Variants in NR2C2 observed in about 807,000 individuals in gnomAD.
NR2C2 encodes nuclear receptor subfamily 2 group C member 2, also known as Nuclear hormone receptor TR4.
Under a neutral mutation model 62.9 loss-of-function variants are expected in NR2C2, and 6 were observed. The ratio of observed to expected loss-of-function variants is 0.10; its 90% confidence interval spans 0.05 to 0.19. The LOEUF (loss-of-function observed/expected upper bound fraction) is 0.19. NR2C2 is among the 10% of genes least tolerant of loss of function. NR2C2 has a pLI of 1.00. For synonymous variants in NR2C2, 272 were observed against 273.8 expected, an observed-to-expected ratio of 0.99 and a Z score of 0.07; for missense variants, 479 against 762.7, an observed-to-expected ratio of 0.63 and a Z score of 4.38.
At chr3:15,009,077 C>T (rs985794466) in intron 2 of NR2C2, among the ~76,000 whole-genome samples, 1 of 151,958 alleles carries the variant, frequency 6.6e-6, no homozygotes, top group African/African-American at 2.4e-5. Flanking sequence ...AAAAAATTAG[C>T]GGGGCATGGT....
chr3:14,948,959 C>T (rs868194322), intron 1 of NR2C2, among the ~76,000 whole-genome samples: 1 of 152,102 alleles, frequency 6.6e-6, no homozygotes, highest in Non-Finnish European at 1.5e-5. Flanking sequence ...CGCTACTTTG[C>T]GAGCTTCAGA....
intron 1 of NR2C2, among the ~76,000 whole-genome samples, chr3:14,974,932 T>C (rs936820865): frequency 1.3e-5 from 2 of 152,242 alleles, no homozygotes; most frequent in Non-Finnish European, 2.9e-5. Context: ...AAGTGTATAC[T>C]TAAATGTTTT....
At chr3:14,969,244 CTTT>C (rs35048015) in intron 1 of NR2C2, among the ~76,000 whole-genome samples, 16 of 125,770 alleles carry the variant, frequency 1.3e-4, no homozygotes, top group Non-Finnish European at 1.3e-4. Context: ...AATAAAGATT[CTTT>C]TTTTTTTTTT....
intron 1 of NR2C2, chr3:14,948,727 G>A (rs1413440373): frequency 6.6e-6 from 1 of 152,288 alleles, no homozygotes; most frequent in African/African-American, 2.4e-5. Context: ...TAGTAATAAA[G>A]GTGATGAAGC....
chr3:14,958,709 G>T (rs1055445798), intron 1 of NR2C2, among the ~76,000 whole-genome samples: 1 of 152,168 alleles, frequency 6.6e-6, no homozygotes, highest in African/African-American at 2.4e-5. Flanking sequence ...TGGGTGCTGC[G>T]GCTAATGCCT....
At chr3:14,964,120 A>C (rs1026381584) in intron 1 of NR2C2, among the ~76,000 whole-genome samples, 2 of 152,262 alleles carry the variant, frequency 1.3e-5, no homozygotes, top group East Asian at 3.8e-4. Flanking sequence ...CACATATAAC[A>C]AAACCAGTTT....
At chr3:15,021,964 A>C (rs966702063) in intron 5 of NR2C2, among the ~76,000 whole-genome samples, 2 of 152,254 alleles carry the variant, frequency 1.3e-5, no homozygotes, top group Non-Finnish European at 2.9e-5. Context: ...GTGAATAAAT[A>C]AATCACTGAC....
chr3:15,016,648 GTA>G lies in NR2C2; in HGVS notation c.376+395_376+396del, dbSNP rs3214640. 2.4e-3 allele frequency among the ~76,000 whole-genome samples: 360 copies of G among 152,246 alleles called. 9 individuals are homozygous for G. The East Asian group carries it at 0.068, about 29-fold the overall frequency. ...TAACATCCCCTCACTATAACCCACT[GTA>G]AATAACTGCTGTAATGAAGCAGGAG... On this transcript the variant is annotated intron_variant, in intron 4 of 13. Transcript: ENST00000425241.
At chr3:15,001,094 G>A (rs150471516) in intron 1 of NR2C2, among the ~76,000 whole-genome samples, 6,238 of 152,004 alleles carry the variant, frequency 0.041, 443 homozygotes, top group African/African-American at 0.14. Flanking sequence ...GATTACAGGC[G>A]TGAGCCACCG....
intron 1 of NR2C2, among the ~76,000 whole-genome samples, chr3:14,963,500 T>C (rs946919986): frequency 1.3e-5 from 2 of 152,162 alleles, no homozygotes; most frequent in Non-Finnish European, 2.9e-5. Context: ...AGACGGAGTC[T>C]TGCTGTCTCC....
In NR2C2 at chr3:15,043,302, A is replaced by C. The variant is rs1470896486; in HGVS notation, c.*294A>C. On this transcript the variant is annotated 3_prime_UTR_variant, in exon 14 of 14. Coordinates refer to ENST00000425241, the MANE Select transcript of NR2C2 (RefSeq NM_001291694.2). ...GGCAAAAAACAAAAAAAAAGGTTTTATAATGTCAGAGACTAGTATTAAAGA... is the reference window on the plus strand; with the variant it reads ...GGCAAAAAACAAAAAAAAAGGTTTTCTAATGTCAGAGACTAGTATTAAAGA... 1 of 216,032 alleles carries C rather than the reference A, an allele frequency of 4.6e-6. No homozygotes were observed. The highest frequency in any genetic ancestry group is 5.5e-5 in the Admixed American group (1 of 18,136). 13.4% of individuals were successfully genotyped at this position (216,032 alleles called of 1,614,324 possible). A position where few individuals can be genotyped will look rare whatever the true frequency, so the allele number is the denominator to read the frequency against.
intron 4 of NR2C2, among the ~76,000 whole-genome samples, chr3:15,017,939 G>C (rs2041557483): frequency 6.6e-6 from 1 of 152,208 alleles, no homozygotes; most frequent in African/African-American, 2.4e-5. Context: ...GTCTCAGCTG[G>C]AAACAAGTGG....
At chr3:14,957,452 T>C (rs1354324242) in intron 1 of NR2C2, among the ~76,000 whole-genome samples, 1 of 152,244 alleles carries the variant, frequency 6.6e-6, no homozygotes, top group African/African-American at 2.4e-5. Context: ...AAGTCATTGT[T>C]CTGTTCTCTG....
chr3:15,011,257 T>G (rs1478023801), intron 2 of NR2C2, among the ~76,000 whole-genome samples: 1 of 152,192 alleles, frequency 6.6e-6, no homozygotes, highest in African/African-American at 2.4e-5. Flanking sequence ...AAGGATTGCT[T>G]GGGCCCAGGA....
At chr3:14,951,923 T>C (rs1308686191) in intron 1 of NR2C2, among the ~76,000 whole-genome samples, 2 of 152,130 alleles carry the variant, frequency 1.3e-5, no homozygotes, top group Non-Finnish European at 2.9e-5. Context: ...AATTTTTGGA[T>C]TTTTAGTAGA....
At chr3:15,031,304 A>C (rs940236298) in intron 9 of NR2C2, among the ~76,000 whole-genome samples, 12 of 151,986 alleles carry the variant, frequency 7.9e-5, no homozygotes, top group Non-Finnish European at 5.9e-5. Context: ...CAGGACACTC[A>C]GAGGGTACCT....
rs2042484265 is a variant in NR2C2 at position 15,047,114 on chromosome 3, T to C, written c.*4106T>C. ...TGTATATAGTGTGTGTATGTGTACA[T>C]AGATGTATATTATGTATACAGACAT... On this transcript the variant is annotated 3_prime_UTR_variant, in exon 14 of 14. Transcript: ENST00000425241. The C allele has an allele frequency of 6.5e-6, 1 of 152,680 alleles. No homozygotes were observed. Among genetic ancestry groups the C allele is most frequent in the South Asian group, 2.1e-4 (1 of 4,838 alleles). The allele number at this position is 152,680 out of a possible 1,614,324, so 9.5% of individuals were successfully genotyped here.
chr3:14,991,694 T>C (rs2040674588), intron 1 of NR2C2, among the ~76,000 whole-genome samples: 1 of 152,126 alleles, frequency 6.6e-6, no homozygotes. Flanking sequence ...CTCTTAATAT[T>C]GCACATTTAA....
chr3:15,020,607 A>C lies in NR2C2; in HGVS notation c.377-146A>C, dbSNP rs2041644687. ...GTGAAGGGTGTGGCCAGTATGCTTA[A>C]TGCTCAGGCCACGTGGCTGTTGGCA... On this transcript the variant is annotated intron_variant, in intron 4 of 13. Coordinates refer to ENST00000425241, the MANE Select transcript of NR2C2 (RefSeq NM_001291694.2). 12 of 757,126 alleles carry C rather than the reference A, an allele frequency of 1.6e-5. No individual in the cohort carries two copies. The South Asian group carries it at 2.2e-4, about 14-fold the overall frequency. The allele number at this position is 757,126 out of a possible 1,614,324, so 46.9% of individuals were successfully genotyped here.
Sources: gnomAD v4.1 joint callset for allele counts (sites outside exome capture counted in the v4.1 genomes callset) on GRCh38, gnomAD v4.1.1 for gene constraint, MANE v1.5 for transcripts, NCBI Gene and HGNC (gene_info 2026-07-23, HGNC 2026-07-21) for gene names.